FBXO42: variants seen among roughly 807,000 people sequenced by gnomAD.
FBXO42 encodes F-box only protein 42.
FBXO42 carries 12 observed loss-of-function variants against 71.7 expected under a neutral mutation model. That is an observed-to-expected ratio of 0.17 (90% confidence interval 0.11 to 0.27). FBXO42 has a LOEUF of 0.27. FBXO42 is among the 10% of genes least tolerant of loss of function. FBXO42 has a pLI of 1.00. For synonymous variants in FBXO42, 325 were observed against 327.5 expected (o/e 0.99, Z 0.08); for missense variants, 707 against 911.9 (o/e 0.78, Z 2.89).
In FBXO42 at chr1:16,352,397, G is replaced by A. The variant is rs1434902934; in HGVS notation, c.-160C>T. 7.5e-6 allele frequency: 3 copies of A among 399,538 alleles called. No individual in the cohort carries two copies. Among genetic ancestry groups the A allele is most frequent in the African/African-American group, 2.1e-5 (1 of 48,620 alleles). The allele number at this position is 399,538 out of a possible 1,614,324, so 24.7% of individuals were successfully genotyped here. A position where few individuals can be genotyped will look rare whatever the true frequency, so the allele number is the denominator to read the frequency against. ...CTCCTCACAGCTGGCGGGACCCCGA[G>A]CCGCCCGGAGCCGCCATCTTCCTCC... is the stretch of plus-strand genomic sequence containing the variant. On this transcript the variant is annotated 5_prime_UTR_variant, in exon 1 of 10. Transcript: ENST00000375592.
chr1:16,260,543 T>C (rs1245212601), intron 4 of FBXO42, among the ~76,000 whole-genome samples: 1 of 152,150 alleles, frequency 6.6e-6, no homozygotes, highest in Non-Finnish European at 1.5e-5. Context: ...GCTTTGCATG[T>C]ATTAATTAAT....
At chr1:16,301,683 A>C (rs1458408711) in intron 3 of FBXO42, among the ~76,000 whole-genome samples, 1 of 138,756 alleles carries the variant, frequency 7.2e-6, no homozygotes, top group East Asian at 2.0e-4. Flanking sequence ...AAAAAAAAAA[A>C]CAACAAAAAA....
At chr1:16,319,916 A>AAAAAAG (rs970130069) in intron 1 of FBXO42, among the ~76,000 whole-genome samples, 51 of 151,728 alleles carry the variant, frequency 3.4e-4, no homozygotes, top group Non-Finnish European at 5.5e-4. Flanking sequence ...ATCTTAAAAA[A>AAAAAAG]AAAAAGAAAA....
chr1:16,305,804 G>A lies in FBXO42; in HGVS notation c.366C>T (p.His122=), dbSNP rs775964146. ...TCTGCTTTCACAGTAAATACTTACT[G>A]TGCGAGAAGCGCTGAGTGATTGGGG... ...PGTPITQRFS[H]SACYYDANQS... is the part of the protein sequence containing the mutation. Residue 122 remains histidine, a splice_region_variant and synonymous_variant, in exon 3 of 10, where the codon CAC becomes CAT. Transcript: ENST00000375592. 2.5e-6 allele frequency: 4 copies of A among 1,611,884 alleles called. No homozygotes were observed. The East Asian group carries it at 8.9e-5, about 36-fold the overall frequency.
chr1:16,340,131 G>A (rs1371360332), intron 1 of FBXO42, among the ~76,000 whole-genome samples: 2 of 151,750 alleles, frequency 1.3e-5, no homozygotes, highest in African/African-American at 2.4e-5. Flanking sequence ...AGCCGTGATC[G>A]TGCCACTGCA....
intron 4 of FBXO42, among the ~76,000 whole-genome samples, chr1:16,260,275 C>A (rs188409487): frequency 6.9e-6 from 1 of 145,710 alleles, no homozygotes; most frequent in East Asian, 2.1e-4. Flanking sequence ...ATGGCACGAT[C>A]TCGGCTCACT....
At chr1:16,321,828 G>GA (rs2082411483) in intron 1 of FBXO42, among the ~76,000 whole-genome samples, 1 of 152,104 alleles carries the variant, frequency 6.6e-6, no homozygotes, top group Non-Finnish European at 1.5e-5. Flanking sequence ...AAAGTGCTGG[G>GA]AATACAGGTA....
chr1:16,263,806 AC>A (rs2081742210), intron 4 of FBXO42, among the ~76,000 whole-genome samples: 1 of 135,320 alleles, frequency 7.4e-6, no homozygotes, highest in African/African-American at 2.7e-5. Flanking sequence ...CCATACATTA[AC>A]TTTTTTTTTT....
intron 4 of FBXO42, among the ~76,000 whole-genome samples, chr1:16,263,977 A>C (rs910336054): frequency 3.3e-5 from 5 of 151,688 alleles, no homozygotes; most frequent in African/African-American, 1.2e-4. Context: ...CACTTGGCTA[A>C]TTTTTGTATT....
rs771591957 is a variant in FBXO42, at chr1:16,294,966, C to G, written c.368-49G>C. ...CTGCTGTGAAAATTCTGAGGCCCTT[C>G]CAACATTTTAACCATAACATATATT... On this transcript the variant is annotated intron_variant, in intron 3 of 9. Coordinates refer to ENST00000375592, the MANE Select transcript of FBXO42 (RefSeq NM_018994.3). 2.6e-6 allele frequency: 4 copies of G among 1,538,892 alleles called. No homozygotes were observed. The East Asian group carries it at 9.2e-5, about 35-fold the overall frequency.
chr1:16,294,671 C>A (rs1007816648), intron 4 of FBXO42, 112 bp downstream of exon 4: 11 of 1,088,114 alleles, frequency 1.0e-5, no homozygotes, highest in Non-Finnish European at 1.5e-5. Flanking sequence ...AACTTAAGGA[C>A]CTGAGTCCCA....
intron 2 of FBXO42, among the ~76,000 whole-genome samples, chr1:16,313,696 G>A (rs1382570478): frequency 1.3e-5 from 2 of 152,178 alleles, no homozygotes; most frequent in African/African-American, 4.8e-5. Flanking sequence ...TTGATGCAAG[G>A]AAAACATTTT....
chr1:16,263,273 T>C (rs1222369231), intron 4 of FBXO42, among the ~76,000 whole-genome samples: 1 of 150,808 alleles, frequency 6.6e-6, no homozygotes, highest in Non-Finnish European at 1.5e-5. Context: ...CCATCCTGGC[T>C]AACATGGTGA....
chr1:16,323,171 C>A (rs1445913965), intron 1 of FBXO42, among the ~76,000 whole-genome samples: 1 of 152,174 alleles, frequency 6.6e-6, no homozygotes, highest in Non-Finnish European at 1.5e-5. Context: ...GTAATCCCAG[C>A]ACTTTGGGAG....
At chr1:16,349,786 G>A (rs1413900605) in intron 1 of FBXO42, among the ~76,000 whole-genome samples, 2 of 152,122 alleles carry the variant, frequency 1.3e-5, no homozygotes, top group African/African-American at 2.4e-5. Context: ...CGCCTGAACC[G>A]GAGAGGTGGA....
intron 1 of FBXO42, among the ~76,000 whole-genome samples, chr1:16,319,253 G>A (rs985778260): frequency 6.6e-6 from 1 of 152,168 alleles, no homozygotes; most frequent in Admixed American, 6.6e-5. Flanking sequence ...GGAGAGCAGA[G>A]AACAGAAACC....
chr1:16,325,322 G>GTACA (rs1443474170), intron 1 of FBXO42, among the ~76,000 whole-genome samples: 1 of 151,998 alleles, frequency 6.6e-6, no homozygotes, highest in East Asian at 1.9e-4. Context: ...TTGTTTTTAA[G>GTACA]TACACAGTTT....
chr1:16,326,272 T>A (rs1457488417), intron 1 of FBXO42, among the ~76,000 whole-genome samples: 1 of 151,224 alleles, frequency 6.6e-6, no homozygotes, highest in African/African-American at 2.4e-5. Context: ...GTCAGGCTGG[T>A]CTCGAACTCC....
At chr1:16,288,275 C>A (rs1460587937) in intron 4 of FBXO42, among the ~76,000 whole-genome samples, 4 of 151,556 alleles carry the variant, frequency 2.6e-5, no homozygotes, top group Middle Eastern at 3.4e-3. Context: ...ACCAAAAATA[C>A]AAAAATTAGC....
Sources: gnomAD v4.1 joint callset for allele counts (sites outside exome capture counted in the v4.1 genomes callset) on GRCh38, gnomAD v4.1.1 for gene constraint, MANE v1.5 for transcripts, NCBI Gene and HGNC (gene_info 2026-07-23, HGNC 2026-07-21) for gene names.